Variants in CLEC16A observed in about 807,000 individuals in gnomAD.
CLEC16A encodes the protein C-type lectin domain containing 16A.
Under a neutral mutation model 109.5 loss-of-function variants are expected in CLEC16A, and 51 were observed. The observed-to-expected ratio is 0.47, with a 90% CI of 0.37 to 0.59. The LOEUF (loss-of-function observed/expected upper bound fraction) is 0.59. Among genes scored for constraint, CLEC16A ranks in the 20% least tolerant of loss-of-function variants. The probability of loss-of-function intolerance (pLI) is 0.00; values close to 1 mark genes in which losing one functional copy is unlikely to be tolerated. For missense variants in CLEC16A, 1,339 were observed against 1,394.0 expected, an observed-to-expected ratio of 0.96 and a Z score of 0.63; for synonymous variants, 673 against 564.2, an observed-to-expected ratio of 1.19 and a Z score of -2.73.
At chr16:10,974,865 A>C (rs1249423434) in intron 7 of CLEC16A, among the ~76,000 whole-genome samples, 1 of 152,286 alleles carries the variant, frequency 6.6e-6, no homozygotes, top group Admixed American at 6.5e-5. Flanking sequence ...TATGACATCA[A>C]CCCCAATTAC....
intron 1 of CLEC16A, among the ~76,000 whole-genome samples, chr16:10,955,123 G>T (rs2041926107): frequency 6.6e-6 from 1 of 152,250 alleles, no homozygotes; most frequent in South Asian, 2.1e-4. Context: ...GGAGGTGGCA[G>T]GGCCAAAGGT....
At chr16:11,112,713 T>C (rs1456952737) in intron 19 of CLEC16A, among the ~76,000 whole-genome samples, 2 of 151,902 alleles carry the variant, frequency 1.3e-5, no homozygotes, top group Non-Finnish European at 2.9e-5. Flanking sequence ...TGCAGCAAAT[T>C]TTCTCCCCTC....
chr16:11,050,098 C>G (rs2047858871), intron 17 of CLEC16A, among the ~76,000 whole-genome samples: 1 of 152,194 alleles, frequency 6.6e-6, no homozygotes. Flanking sequence ...TATCAGGTGC[C>G]AGCATTTGGC....
intron 22 of CLEC16A, among the ~76,000 whole-genome samples, chr16:11,132,383 A>C (rs576481897): frequency 6.6e-6 from 1 of 152,156 alleles, no homozygotes; most frequent in Non-Finnish European, 1.5e-5. Flanking sequence ...CATGTTTTCA[A>C]GGTGCATCTA....
chr16:11,047,424 T>C, intron 17 of CLEC16A, 82 bp downstream of exon 17: 1 of 1,132,078 alleles, frequency 8.8e-7, no homozygotes, highest in Admixed American at 3.1e-5. Flanking sequence ...CAGAGGGAGT[T>C]TTTTGACTTA....
chr16:11,123,767 A>G lies in CLEC16A; in HGVS notation c.2294A>G (p.Asp765Gly). ...GACATGCAGGTGACTGGCGTGGAGG[A>G]CGACAGCCGTGCCCTGAACATCACC... ...LQDMQVTGVE[D>G]DSRALNITIH... The change falls in exon 21 of 24, where the codon GAC (aspartate) becomes GGC (glycine). Residue 765 changes from aspartate to glycine, a missense_variant. This residue lies in a region of CLEC16A where 1,061 missense variants were observed against 1,006.8 expected (regional missense o/e 1.05). Transcript: ENST00000409790. 5 of 1,613,950 alleles carry G rather than the reference A, an allele frequency of 3.1e-6. No homozygotes were observed. The highest frequency in any genetic ancestry group is 4.2e-6 in the Non-Finnish European group (5 of 1,179,884).
intron 19 of CLEC16A, among the ~76,000 whole-genome samples, chr16:11,103,167 C>T (rs2051020709): frequency 6.6e-6 from 1 of 152,218 alleles, no homozygotes; most frequent in Non-Finnish European, 1.5e-5. Flanking sequence ...GCTGGGCCCA[C>T]AAGGGTCAGA....
At position 11,179,101 on chromosome 16, in the gene CLEC16A, G is replaced by A. The variant is rs200421408; in HGVS notation, c.*411G>A. On this transcript the variant is annotated 3_prime_UTR_variant, in exon 24 of 24. Transcript: ENST00000409790. ...ACTGTACGTAGAAATTTGTAGAAAA[G>A]CAGACTTAGATAAACATCTCCTTTG... 7.7e-5 allele frequency: 14 copies of A among 181,686 alleles called. No homozygotes were observed. Among genetic ancestry groups the A allele is most frequent in the Non-Finnish European group, 1.5e-4 (13 of 88,244 alleles). 11.3% of individuals were successfully genotyped at this position (181,686 alleles called of 1,614,324 possible).
In CLEC16A at chr16:11,178,281, C is replaced by A; in HGVS notation, c.2807-54C>A. The A allele has an allele frequency of 1.3e-6, 2 of 1,491,734 alleles. No homozygotes were observed. The highest frequency in any genetic ancestry group is 1.8e-6 in the Non-Finnish European group (2 of 1,087,062). 92.4% of individuals were successfully genotyped at this position (1,491,734 alleles called of 1,614,324 possible). Reference sequence around the variant, plus strand: ...CAGGATGGGAGCACAGGGCGCAGTGCGACGGGGTGTCTCAAGGGCTCAGTG... The same window carrying A: ...CAGGATGGGAGCACAGGGCGCAGTGAGACGGGGTGTCTCAAGGGCTCAGTG... On this transcript the variant is annotated intron_variant, in intron 23 of 23. Coordinates refer to ENST00000409790, the MANE Select transcript of CLEC16A (RefSeq NM_015226.3). This position sits in a 1 kb window ranked among gnomAD's most constrained non-coding sequence, Gnocchi z 6.5.
chr16:11,001,055 T>C (rs2044639308), intron 10 of CLEC16A, among the ~76,000 whole-genome samples: 2 of 152,202 alleles, frequency 1.3e-5, no homozygotes, highest in Non-Finnish European at 2.9e-5. Context: ...TTTTCTTCTG[T>C]CTTTTGTGCC....
At chr16:10,962,365 C>A in intron 2 of CLEC16A, 90 bp from the exon 3 acceptor site, 1 of 1,525,746 alleles carries the variant, frequency 6.6e-7, no homozygotes, top group South Asian at 1.1e-5. Context: ...AGGGGTGAAT[C>A]TAATACTTGT....
chr16:11,112,240 G>A (rs1436409244), intron 19 of CLEC16A, among the ~76,000 whole-genome samples: 2 of 152,226 alleles, frequency 1.3e-5, no homozygotes, highest in Non-Finnish European at 2.9e-5. Context: ...CCGTGCAGTG[G>A]TTGCCTCTGC....
chr16:11,071,703 T>G (rs944831589), intron 19 of CLEC16A, among the ~76,000 whole-genome samples: 1 of 150,064 alleles, frequency 6.7e-6, no homozygotes, highest in African/African-American at 2.5e-5. Flanking sequence ...CATCCCACCT[T>G]AGCCTCTTGA....
intron 22 of CLEC16A, among the ~76,000 whole-genome samples, chr16:11,163,369 G>C (rs867062153): frequency 6.6e-6 from 1 of 152,258 alleles, no homozygotes; most frequent in African/African-American, 2.4e-5. Context: ...GGCAAAGGGA[G>C]AGAGAGTGGA....
At chr16:11,173,655 T>C (rs1223369057) in intron 23 of CLEC16A, among the ~76,000 whole-genome samples, 1 of 151,914 alleles carries the variant, frequency 6.6e-6, no homozygotes, top group East Asian at 1.9e-4. Context: ...TCACTTGGGG[T>C]CAGAAATCTG....
At chr16:11,177,850 TC>T (rs926188994) in intron 23 of CLEC16A, among the ~76,000 whole-genome samples, 13 of 150,500 alleles carry the variant, frequency 8.6e-5, no homozygotes, top group African/African-American at 3.2e-4. Context: ...CTACAGAATT[TC>T]CTTTTTTTTT....
intron 23 of CLEC16A, among the ~76,000 whole-genome samples, chr16:11,167,320 C>T (rs1239031778): frequency 1.3e-5 from 2 of 152,104 alleles, no homozygotes; most frequent in African/African-American, 4.8e-5. Context: ...CGCCATGGGT[C>T]GGGGGGTCAC....
intron 13 of CLEC16A, among the ~76,000 whole-genome samples, chr16:11,034,478 G>T (rs573733684): frequency 1.3e-5 from 2 of 152,350 alleles, no homozygotes; most frequent in Admixed American, 6.5e-5. Context: ...CCAGATATCA[G>T]AACTGAGAGG....
chr16:11,109,137 G>A (rs1197735353), intron 19 of CLEC16A, among the ~76,000 whole-genome samples: 1 of 149,106 alleles, frequency 6.7e-6, no homozygotes, highest in East Asian at 2.0e-4. Context: ...AAAAAAACTG[G>A]GAGCAGGGGC....
Sources: gnomAD v4.1 joint callset for allele counts (sites outside exome capture counted in the v4.1 genomes callset) on GRCh38, gnomAD v4.1.1 for gene constraint, gnomAD v4.1.1 regional missense constraint, Gnocchi (gnomAD v3.1) non-coding constraint, MANE v1.5 for transcripts, NCBI Gene and HGNC (gene_info 2026-07-23, HGNC 2026-07-21) for gene names.